Variants in ZNF578 observed in about 807,000 individuals in gnomAD.
ZNF578 encodes Putative chemokine-related protein B42.
In ZNF578, 8 loss-of-function variants were observed where a neutral mutation model predicts 8.3. The observed-to-expected ratio is 0.96, with a 90% CI of 0.56 to 1.74. The LOEUF (loss-of-function observed/expected upper bound fraction) is 1.74, where lower values mean the gene tolerates loss of function less well. ZNF578 is among the 40% of genes most tolerant of loss of function. The pLI, the probability that ZNF578 is intolerant of heterozygous loss-of-function variation, is 0.00. For synonymous variants in ZNF578, 206 were observed against 232.2 expected (o/e 0.89, Z 1.03); for missense variants, 726 against 707.5 (o/e 1.03, Z -0.30).
At chr19:52,508,606 T>G (rs1312168763) in intron 5 of ZNF578, among the ~76,000 whole-genome samples, 1 of 151,588 alleles carries the variant, frequency 6.6e-6, no homozygotes, top group African/African-American at 2.4e-5. Context: ...AAGACCAACT[T>G]AACCAACAGG....
chr19:52,506,467 T>TTC (rs954861356), intron 5 of ZNF578, among the ~76,000 whole-genome samples: 11 of 110,570 alleles, frequency 9.9e-5, no homozygotes, highest in African/African-American at 4.6e-4. Flanking sequence ...AGTTTCTTTT[T>TTC]TTTTTTTTTT....
At chr19:52,492,479 A>G (rs1272686103) in intron 3 of ZNF578, among the ~76,000 whole-genome samples, 6 of 152,202 alleles carry the variant, frequency 3.9e-5, no homozygotes, top group Non-Finnish European at 7.3e-5. Context: ...GAATAGAAAG[A>G]GAGAGGATTT....
chr19:52,471,036 A>AC (rs2059290201), intron 2 of ZNF578, among the ~76,000 whole-genome samples: 1 of 152,010 alleles, frequency 6.6e-6, no homozygotes, highest in Admixed American at 6.6e-5. Flanking sequence ...ACCCCCACCC[A>AC]CTTCCTCCTG....
chr19:52,501,979 T>G (rs751584399), intron 4 of ZNF578, 71 bp downstream of exon 4: 101 of 1,562,616 alleles, frequency 6.5e-5, no homozygotes, highest in Admixed American at 2.5e-4. Context: ...TATATTGTAT[T>G]GTAGTAATGT....
At chr19:52,467,590 G>T (rs935706387) in intron 2 of ZNF578, among the ~76,000 whole-genome samples, 1 of 151,896 alleles carries the variant, frequency 6.6e-6, no homozygotes, top group African/African-American at 2.4e-5. Context: ...ATTCCAGCCT[G>T]TGGGAAACAG....
intron 2 of ZNF578, among the ~76,000 whole-genome samples, chr19:52,468,913 G>A (rs1048394171): frequency 3.9e-5 from 6 of 152,056 alleles, no homozygotes; most frequent in Admixed American, 3.3e-4. Flanking sequence ...GGGATATCTC[G>A]AGCCTTTGGT....
intron 3 of ZNF578, among the ~76,000 whole-genome samples, chr19:52,493,636 T>TAAGAG (rs1423790734): frequency 6.6e-6 from 1 of 151,636 alleles, no homozygotes; most frequent in Non-Finnish European, 1.5e-5. Flanking sequence ...GACGCAGAGA[T>TAAGAG]AAGAGGCGGT....
intron 2 of ZNF578, among the ~76,000 whole-genome samples, chr19:52,489,923 T>C (rs2059359581): frequency 6.6e-6 from 1 of 152,192 alleles, no homozygotes; most frequent in Non-Finnish European, 1.5e-5. Context: ...CCCAAAGTGC[T>C]GGGATTACAG....
At chr19:52,480,066 T>C (rs561827619) in intron 2 of ZNF578, among the ~76,000 whole-genome samples, 16 of 152,268 alleles carry the variant, frequency 1.1e-4, no homozygotes, top group Admixed American at 3.3e-4. Flanking sequence ...CCTGCCACCA[T>C]GCCCGGCAAA....
chr19:52,463,947 A>G (rs561136164), intron 2 of ZNF578, among the ~76,000 whole-genome samples: 1 of 151,780 alleles, frequency 6.6e-6, no homozygotes, highest in African/African-American at 2.4e-5. Flanking sequence ...TAGGATAATG[A>G]TTATCAATAC....
intron 5 of ZNF578, among the ~76,000 whole-genome samples, chr19:52,507,525 G>T (rs1047794386): frequency 3.3e-5 from 5 of 152,108 alleles, no homozygotes; most frequent in African/African-American, 9.7e-5. Context: ...GATGAAGCAT[G>T]ACTCAGTCTC....
chr19:52,480,900 G>GATA (rs57989857), intron 2 of ZNF578, among the ~76,000 whole-genome samples: 19,961 of 139,102 alleles, frequency 0.14, 1,589 homozygotes, highest in Non-Finnish European at 0.19. Context: ...CATCTCAAAA[G>GATA]ATAATAATAA....
intron 4 of ZNF578, among the ~76,000 whole-genome samples, 197 bp from the exon 5 acceptor site, chr19:52,504,458 T>C (rs2059418309): frequency 6.6e-6 from 1 of 152,136 alleles, no homozygotes; most frequent in Non-Finnish European, 1.5e-5. Flanking sequence ...TAGCGACTTA[T>C]GGGATCTTAA....
At chr19:52,455,320 C>G (rs1298985340) in intron 1 of ZNF578, 1 of 152,016 alleles carries the variant, frequency 6.6e-6, no homozygotes, top group Non-Finnish European at 1.5e-5. Context: ...CTGCCTCAAC[C>G]TCCCGAGTAG....
chr19:52,504,108 TA>T (rs1219237799), intron 4 of ZNF578, among the ~76,000 whole-genome samples: 2 of 151,912 alleles, frequency 1.3e-5, no homozygotes, highest in East Asian at 1.9e-4. Context: ...TTTTTTTTTT[TA>T]ACATGGAGTG....
At chr19:52,503,200 T>C (rs2059413578) in intron 4 of ZNF578, among the ~76,000 whole-genome samples, 2 of 152,164 alleles carry the variant, frequency 1.3e-5, no homozygotes, top group African/African-American at 4.8e-5. Flanking sequence ...TTATTTTTTA[T>C]ATTGTATTTT....
rs777071167 is a variant in ZNF578 at position 52,510,889 on chromosome 19, T to A, written c.508T>A (p.Phe170Ile). The change falls in exon 6 of 6, where the codon TTT (phenylalanine) becomes ATT (isoleucine). Residue 170 changes from phenylalanine (F) to isoleucine (I), a missense_variant. Physicochemically the swap from Phe to Ile is conservative, Grantham distance 21 (BLOSUM62 0). Transcript: ENST00000421239. ...FHLHLPELHIFQPEEKIANQV... is the reference protein window; with the variant it reads ...FHLHLPELHIIQPEEKIANQV... ...TTTGCATCTTCCTGAACTCCACATA[T>A]TTCAGCCCGAAGAGAAAATTGCTAA... is the stretch of plus-strand genomic sequence containing the variant. 1.2e-6 allele frequency: 2 copies of A among 1,614,198 alleles called. No homozygotes were observed. The highest frequency in any genetic ancestry group is 1.7e-6 in the Non-Finnish European group (2 of 1,180,028).
At chr19:52,466,059 G>A (rs1241476117) in intron 2 of ZNF578, among the ~76,000 whole-genome samples, 1 of 152,230 alleles carries the variant, frequency 6.6e-6, no homozygotes, top group Non-Finnish European at 1.5e-5. Context: ...CCTGCAAAAG[G>A]CCCTGATCTC....
chr19:52,484,501 A>G (rs2059338043), intron 2 of ZNF578, among the ~76,000 whole-genome samples: 1 of 152,124 alleles, frequency 6.6e-6, no homozygotes, highest in Non-Finnish European at 1.5e-5. Context: ...TGGCTTTCCT[A>G]GGCAGAGGTC....
Sources: gnomAD v4.1 joint callset for allele counts (sites outside exome capture counted in the v4.1 genomes callset) on GRCh38, gnomAD v4.1.1 for gene constraint, MANE v1.5 for transcripts, NCBI Gene and HGNC (gene_info 2026-07-23, HGNC 2026-07-21) for gene names.